Variants in SMYD3 observed in about 807,000 individuals in gnomAD.
SMYD3 encodes the protein SET and MYND domain containing 3.
A neutral mutation model predicts 57.7 loss-of-function variants in SMYD3; 36 were observed. The ratio of observed to expected loss-of-function variants is 0.62; its 90% CI spans 0.48 to 0.82. The LOEUF is 0.82. SMYD3 is among the 40% of genes least tolerant of loss of function. The pLI is 0.00. For missense variants in SMYD3, 515 were observed against 538.8 expected (o/e 0.96, Z 0.44); for synonymous variants, 211 against 195.0 (o/e 1.08, Z -0.68).
At position 246,001,461 on chromosome 1, in the gene SMYD3, C is replaced by T. The variant is rs112997933; in HGVS notation, c.532-71524G>A. ...GTACTATGGAAGAGACAGTGTCTGG[C>T]TTCATCCTGGAAACCATGGGGTATG... On this transcript the variant is annotated intron_variant, in intron 5 of 11. Transcript: ENST00000490107. 2.9e-3 allele frequency among the ~76,000 whole-genome samples: 438 copies of T among 152,232 alleles called. 4 individuals are homozygous for T. The highest frequency in any genetic ancestry group is 0.01 in the African/African-American group (425 of 41,538).
At chr1:246,324,604 T>C (rs1361475293) in intron 5 of SMYD3, among the ~76,000 whole-genome samples, 1 of 151,862 alleles carries the variant, frequency 6.6e-6, no homozygotes, top group Non-Finnish European at 1.5e-5. Flanking sequence ...GCTTCCTCTG[T>C]ATGTACAAAC....
chr1:246,185,518 G>A (rs545642053), intron 5 of SMYD3, among the ~76,000 whole-genome samples: 2 of 142,146 alleles, frequency 1.4e-5, no homozygotes, highest in Non-Finnish European at 1.5e-5. Flanking sequence ...GTGGAGTGCA[G>A]TGGCGCGATC....
intron 8 of SMYD3, among the ~76,000 whole-genome samples, chr1:245,870,370 C>T (rs1342979356): frequency 6.6e-6 from 1 of 152,128 alleles, no homozygotes; most frequent in Non-Finnish European, 1.5e-5. Flanking sequence ...AACCCCACGC[C>T]GGCTCCGGAC....
At chr1:246,457,366 T>C (rs2067713502) in intron 1 of SMYD3, among the ~76,000 whole-genome samples, 1 of 151,816 alleles carries the variant, frequency 6.6e-6, no homozygotes, top group South Asian at 2.1e-4. Flanking sequence ...ACCCCGTCTC[T>C]ATTAAAAATA....
chr1:245,895,192 A>T (rs375888381), intron 8 of SMYD3, among the ~76,000 whole-genome samples: 1 of 151,518 alleles, frequency 6.6e-6, no homozygotes, highest in Non-Finnish European at 1.5e-5. Flanking sequence ...ACTCAAACAG[A>T]CAGTCATTCA....
intron 1 of SMYD3, among the ~76,000 whole-genome samples, chr1:246,484,852 CTA>C (rs2068161994): frequency 2.8e-5 from 3 of 108,394 alleles, no homozygotes. Context: ...AATACCTAAA[CTA>C]CTGCACTAGT....
intron 5 of SMYD3, among the ~76,000 whole-genome samples, chr1:246,049,992 T>C (rs1310987712): frequency 6.6e-6 from 1 of 152,106 alleles, no homozygotes; most frequent in Non-Finnish European, 1.5e-5. Flanking sequence ...GACTATAATA[T>C]CAAAAAGCAG....
At chr1:246,485,391 G>C (rs2068170854) in intron 1 of SMYD3, among the ~76,000 whole-genome samples, 1 of 152,172 alleles carries the variant, frequency 6.6e-6, no homozygotes, top group African/African-American at 2.4e-5. Flanking sequence ...CAATTTCCAA[G>C]ATAAATATCA....
At chr1:245,817,818 G>C (rs1337508238) in intron 10 of SMYD3, among the ~76,000 whole-genome samples, 1 of 152,144 alleles carries the variant, frequency 6.6e-6, no homozygotes, top group Non-Finnish European at 1.5e-5. Flanking sequence ...TGAAATGAAT[G>C]AAATGAAGTG....
intron 5 of SMYD3, among the ~76,000 whole-genome samples, chr1:246,072,325 A>G (rs1273695922): frequency 3.8e-4 from 46 of 120,276 alleles, no homozygotes; most frequent in South Asian, 7.7e-4. Context: ...TGTGCTTTCC[A>G]CTGTGCTCAC....
At chr1:246,410,987 G>A (rs2066958235) in intron 1 of SMYD3, among the ~76,000 whole-genome samples, 1 of 151,278 alleles carries the variant, frequency 6.6e-6, no homozygotes, top group South Asian at 2.1e-4. Flanking sequence ...TCTGATGGTA[G>A]TTTGTATTTC....
intron 5 of SMYD3, among the ~76,000 whole-genome samples, chr1:246,244,871 G>A (rs974330806): frequency 3.3e-5 from 5 of 151,980 alleles, no homozygotes; most frequent in African/African-American, 1.2e-4. Context: ...GGGTTTATAT[G>A]GACTCCATCT....
intron 10 of SMYD3, among the ~76,000 whole-genome samples, chr1:245,776,173 G>A (rs1462914940): frequency 6.6e-6 from 1 of 152,128 alleles, no homozygotes; most frequent in Non-Finnish European, 1.5e-5. Flanking sequence ...CACAATATGT[G>A]ATTTATTTAA....
chr1:245,908,324 G>A (rs750789940), intron 8 of SMYD3, among the ~76,000 whole-genome samples: 7 of 152,046 alleles, frequency 4.6e-5, no homozygotes, highest in East Asian at 1.9e-4. Context: ...ACATATATGC[G>A]CCCAAACTGG....
intron 1 of SMYD3, among the ~76,000 whole-genome samples, chr1:246,393,442 C>G (rs977998815): frequency 6.6e-6 from 1 of 152,080 alleles, no homozygotes; most frequent in African/African-American, 2.4e-5. Context: ...ATCTATTTCT[C>G]TCAACCAAAG....
chr1:246,225,569 G>A (rs868592578), intron 5 of SMYD3, among the ~76,000 whole-genome samples: 13 of 152,090 alleles, frequency 8.5e-5, no homozygotes, highest in East Asian at 3.9e-4. Flanking sequence ...ACAGGAGAGC[G>A]AGCCCGCACC....
chr1:246,110,613 T>A (rs1433901074), intron 5 of SMYD3, among the ~76,000 whole-genome samples: 1 of 152,216 alleles, frequency 6.6e-6, no homozygotes, highest in Non-Finnish European at 1.5e-5. Flanking sequence ...GACAGACAGA[T>A]CTGGTGCTCT....
At chr1:246,427,099 T>C (rs1326522289) in intron 1 of SMYD3, among the ~76,000 whole-genome samples, 1 of 152,136 alleles carries the variant, frequency 6.6e-6, no homozygotes, top group African/African-American at 2.4e-5. Flanking sequence ...CATCCAGGTA[T>C]GTAAACAAAG....
intron 2 of SMYD3, among the ~76,000 whole-genome samples, chr1:246,346,549 A>T (rs901667987): frequency 1.3e-5 from 2 of 152,154 alleles, no homozygotes; most frequent in Non-Finnish European, 2.9e-5. Context: ...GTGGAAGGGG[A>T]AGCAAACACA....
Sources: allele counts gnomAD v4.1 joint callset (sites outside exome capture counted in the v4.1 genomes callset), GRCh38; gene constraint gnomAD v4.1.1; transcripts MANE v1.5; gene names NCBI Gene and HGNC (gene_info 2026-07-23, HGNC 2026-07-21).